Variants in IRF2 observed in about 807,000 individuals in gnomAD.
The protein encoded by IRF2 is interferon regulatory factor 2.
In IRF2, 15 loss-of-function variants were observed where a neutral mutation model predicts 40.6. The observed-to-expected ratio is 0.37, with a 90% CI of 0.25 to 0.57. The LOEUF (loss-of-function observed/expected upper bound fraction) is 0.57. IRF2 is among the 20% of genes least tolerant of loss of function. The pLI, the probability that IRF2 is intolerant of heterozygous loss-of-function variation, is 0.77. For synonymous variants in IRF2, 151 were observed against 165.5 expected (o/e 0.91, Z 0.67); for missense variants, 317 against 455.7 (o/e 0.70, Z 2.77).
chr4:184,462,475 T>C (rs113946674), intron 1 of IRF2, among the ~76,000 whole-genome samples: 129 of 152,340 alleles, frequency 8.5e-4, no homozygotes, highest in Middle Eastern at 3.4e-3. Flanking sequence ...TGTAAAATAC[T>C]ATACTTGATT....
chr4:184,454,811 T>C (rs1328574076), intron 1 of IRF2, among the ~76,000 whole-genome samples: 2 of 152,206 alleles, frequency 1.3e-5, no homozygotes, highest in South Asian at 2.1e-4. Flanking sequence ...GAGATCTTAA[T>C]AGCAACTTAG....
chr4:184,473,305 C>T (rs1029282737), intron 1 of IRF2, among the ~76,000 whole-genome samples: 1 of 149,856 alleles, frequency 6.7e-6, no homozygotes. Context: ...CTGCGCCGCT[C>T]GGTCCCCGGA....
intron 1 of IRF2, among the ~76,000 whole-genome samples, chr4:184,456,141 G>A (rs1738916544): frequency 6.6e-6 from 1 of 152,148 alleles, no homozygotes; most frequent in Non-Finnish European, 1.5e-5. Flanking sequence ...TGACACACTG[G>A]GTTCGAGTTC....
intron 6 of IRF2, among the ~76,000 whole-genome samples, chr4:184,404,485 G>A (rs969584670): frequency 6.6e-6 from 1 of 152,086 alleles, no homozygotes; most frequent in African/African-American, 2.4e-5. Flanking sequence ...TGCGAGATGG[G>A]CAGGATCAGT....
chr4:184,405,689 C>G (rs917245995), intron 6 of IRF2, among the ~76,000 whole-genome samples: 20 of 152,132 alleles, frequency 1.3e-4, no homozygotes, highest in African/African-American at 4.8e-4. Flanking sequence ...GGCCCACACA[C>G]AGTGTCAGAA....
intron 1 of IRF2, among the ~76,000 whole-genome samples, chr4:184,472,844 T>TGCCCGACCACGGCTCTGGC (rs1739561806): frequency 6.6e-6 from 1 of 152,178 alleles, no homozygotes; most frequent in African/African-American, 2.4e-5. Flanking sequence ...TTTCACCTGG[T>TGCCCGACCACGGCTCTGGC]GCCCGACCAC....
chr4:184,454,114 A>G (rs1458300234), intron 1 of IRF2, among the ~76,000 whole-genome samples: 7 of 152,194 alleles, frequency 4.6e-5, no homozygotes, highest in African/African-American at 1.4e-4. Context: ...TTTGAAGGGC[A>G]CTATCTTTTC....
At chr4:184,417,311 A>C (rs1049042519) in intron 5 of IRF2, among the ~76,000 whole-genome samples, 12 of 152,248 alleles carry the variant, frequency 7.9e-5, no homozygotes, top group African/African-American at 2.4e-4. Flanking sequence ...ATTTAAATTT[A>C]GTTAAAAATA....
At chr4:184,455,878 T>C (rs538337858) in intron 1 of IRF2, among the ~76,000 whole-genome samples, 7 of 152,220 alleles carry the variant, frequency 4.6e-5, no homozygotes, top group Non-Finnish European at 8.8e-5. Flanking sequence ...GCCAACCGCA[T>C]GAAAATCGCT....
chr4:184,398,033 T>C (rs1324024001), intron 7 of IRF2, among the ~76,000 whole-genome samples: 1 of 152,152 alleles, frequency 6.6e-6, no homozygotes, highest in East Asian at 1.9e-4. Flanking sequence ...TCTGGCCTAA[T>C]TAGAACCTGT....
At chr4:184,427,344 T>C (rs947208342) in intron 2 of IRF2, among the ~76,000 whole-genome samples, 2 of 152,210 alleles carry the variant, frequency 1.3e-5, no homozygotes, top group Admixed American at 6.5e-5. Context: ...GACAGACATA[T>C]TCAACACAGT....
intron 1 of IRF2, among the ~76,000 whole-genome samples, chr4:184,453,124 A>G: frequency 6.6e-6 from 1 of 152,248 alleles, no homozygotes; most frequent in East Asian, 1.9e-4. Context: ...CAACATGAGA[A>G]AACTGTGAAT....
At chr4:184,452,798 G>GA (rs1579104870) in intron 1 of IRF2, among the ~76,000 whole-genome samples, 6 of 122,998 alleles carry the variant, frequency 4.9e-5, no homozygotes, top group Non-Finnish European at 9.6e-5. Flanking sequence ...AAAAAAAAGG[G>GA]AAAGAAAGAA....
At chr4:184,440,288 A>T (rs1738254688) in intron 1 of IRF2, among the ~76,000 whole-genome samples, 1 of 152,146 alleles carries the variant, frequency 6.6e-6, no homozygotes, top group African/African-American at 2.4e-5. Context: ...CTCTGCCCCG[A>T]GCTGCTGCAG....
At chr4:184,400,361 C>T (rs57331171) in intron 6 of IRF2, among the ~76,000 whole-genome samples, 70,052 of 151,906 alleles carry the variant, frequency 0.46, 16,452 homozygotes, top group Non-Finnish European at 0.51. Flanking sequence ...CATAATTCAC[C>T]GCAGAGTCAC....
At chr4:184,407,582 C>T (rs1403734979) in intron 6 of IRF2, among the ~76,000 whole-genome samples, 1 of 152,246 alleles carries the variant, frequency 6.6e-6, no homozygotes, top group Non-Finnish European at 1.5e-5. Context: ...ATTTACCACA[C>T]ATGGTAACAC....
In IRF2 at chr4:184,418,601, T is replaced by C; in HGVS notation, c.295A>G (p.Ile99Val). 3 of 1,614,238 alleles carry C rather than the reference T, an allele frequency of 1.9e-6. No individual in the cohort carries two copies. Among genetic ancestry groups the C allele is most frequent in the Non-Finnish European group, 2.5e-6 (3 of 1,180,022 alleles). Reference protein sequence around the residue: ...PDIEEVKDKSIKKGNNAFRVY... With the variant: ...PDIEEVKDKSVKKGNNAFRVY... ...CTGAAGGCATTATTTCCTTTCTTTA[T>C]GCTTTTATCCTTGACTTCTTCAATA... The change falls in exon 4 of 9, where the codon ATA becomes GTA. Residue 99 changes from isoleucine (I) to valine (V), a missense_variant. By Grantham distance (29) the Ile-to-Val change is conservative. Around this residue, in one of 2 missense-constraint regions of IRF2, gnomAD observed 262 missense variants for 334.0 expected, o/e 0.78. Coordinates refer to ENST00000393593, the MANE Select transcript of IRF2 (RefSeq NM_002199.4).
intron 4 of IRF2, 116 bp from the exon 5 acceptor site, chr4:184,418,329 A>G (rs1466111536): frequency 2.0e-6 from 2 of 997,820 alleles, no homozygotes; most frequent in African/African-American, 1.6e-5. Flanking sequence ...TAATCTGTAC[A>G]TGGTCAAAAT....
chr4:184,428,884 AT>A, intron 2 of IRF2, 93 bp downstream of exon 2: 1 of 1,001,560 alleles, frequency 1.0e-6, no homozygotes, highest in Non-Finnish European at 1.6e-6. Flanking sequence ...TAAGCCTAAG[AT>A]TTTGAATACA....
Sources: gnomAD v4.1 joint callset for allele counts (sites outside exome capture counted in the v4.1 genomes callset) on GRCh38, gnomAD v4.1.1 for gene constraint, gnomAD v4.1.1 regional missense constraint, MANE v1.5 for transcripts, NCBI Gene and HGNC (gene_info 2026-07-23, HGNC 2026-07-21) for gene names.